Variants in ISCU observed in about 807,000 individuals in gnomAD.
ISCU encodes the protein iron-sulfur cluster assembly enzyme ISCU.
A neutral mutation model predicts 18.4 loss-of-function variants in ISCU; 13 were observed. The observed-to-expected ratio is 0.71, with a 90% confidence interval of 0.46 to 1.12. The LOEUF (loss-of-function observed/expected upper bound fraction) is 1.12, where lower values mean the gene tolerates loss of function less well. ISCU is among the 50% of genes most tolerant of loss of function. The pLI is 0.00. For synonymous variants in ISCU, 104 were observed against 87.5 expected (o/e 1.19, Z -1.06); for missense variants, 229 against 208.7 (o/e 1.10, Z -0.60).
At position 108,567,805 on chromosome 12, in the gene ISCU, C is replaced by T. The variant is rs932408722; in HGVS notation, c.418+537C>T. The T allele has an allele frequency of 2.0e-6, 3 of 1,526,934 alleles. No homozygotes were observed. The African/African-American group carries it at 4.1e-5, about 21-fold the overall frequency. The allele number at this position is 1,526,934 out of a possible 1,614,324, so 94.6% of individuals were successfully genotyped here. A position where few individuals can be genotyped will look rare whatever the true frequency, so the allele number is the denominator to read the frequency against. ...CAACTAAGCCCAGTTGTACAATGTCCCCCTCCCTGCTATCCTAAAAAAAAG... is the reference window on the plus strand; with the variant it reads ...CAACTAAGCCCAGTTGTACAATGTCTCCCTCCCTGCTATCCTAAAAAAAAG... On this transcript the variant is annotated intron_variant, in intron 4 of 4. Transcript: ENST00000311893.
intron 4 of ISCU, chr12:108,567,673 CAGCAGAGG>C (rs2030963795): frequency 1.3e-6 from 2 of 1,536,002 alleles, no homozygotes; most frequent in Admixed American, 2.0e-5. Flanking sequence ...GTGCTGTTTC[CAGCAGAGG>C]AGAAAACTCA....
chr12:108,567,528 C>A, intron 4 of ISCU: 1 of 800,164 alleles, frequency 1.2e-6, no homozygotes, highest in African/African-American at 1.7e-5. Context: ...TCACAAATAT[C>A]CTTGAGTGCA....
At chr12:108,562,240 G>T (rs529137577), upstream of ISCU, among the ~76,000 whole-genome samples, 1 of 152,314 alleles carries the variant, frequency 6.6e-6, no homozygotes, top group South Asian at 2.1e-4. Flanking sequence ...TTACTAAACT[G>T]CCCTGAATCT....
At chr12:108,567,299 G>A (rs977954757) in intron 4 of ISCU, 31 bp downstream of exon 4, 2 of 1,558,768 alleles carry the variant, frequency 1.3e-6, no homozygotes, top group African/African-American at 2.7e-5. Context: ...CCAGTCAGCT[G>A]GGACATTTGG....
chr12:108,565,039 T>G, intron 2 of ISCU: 2 of 481,680 alleles, frequency 4.2e-6, no homozygotes, highest in East Asian at 7.4e-5. Flanking sequence ...AAATAGAAGT[T>G]CATAGCCAAA....
Position 108,569,058 on chromosome 12 carries a change from C to A in ISCU, c.*142C>A. On this transcript the variant is annotated 3_prime_UTR_variant, in exon 5 of 5. Coordinates refer to ENST00000311893, the MANE Select transcript of ISCU (RefSeq NM_213595.4). Reference sequence around the variant, plus strand: ...AATACTTGCTGTTCACGTTATGACTCTCATGCAAGCAAAATACACAGTTTC... The same window carrying A: ...AATACTTGCTGTTCACGTTATGACTATCATGCAAGCAAAATACACAGTTTC... 2 of 716,866 alleles carry A rather than the reference C, an allele frequency of 2.8e-6. No homozygotes were observed. The highest frequency in any genetic ancestry group is 2.3e-5 in the Admixed American group (1 of 43,700). The allele number at this position is 716,866 out of a possible 1,614,324, so 44.4% of individuals were successfully genotyped here.
chr12:108,562,671 C>T lies in ISCU; in HGVS notation c.49C>T (p.Leu17=), dbSNP rs746092474. 1.4e-6 allele frequency: 2 copies of T among 1,454,684 alleles called. No homozygotes were observed. The highest frequency in any genetic ancestry group is 5.0e-5 in the Admixed American group (2 of 40,130). The allele number at this position is 1,454,684 out of a possible 1,614,324, so 90.1% of individuals were successfully genotyped here. A position where few individuals can be genotyped will look rare whatever the true frequency, so the allele number is the denominator to read the frequency against. Residue 17 remains leucine, a synonymous_variant, in exon 1 of 5, where the codon CTG becomes TTG. Coordinates refer to ENST00000311893, the MANE Select transcript of ISCU (RefSeq NM_213595.4). ...TCTGAGGCGGGCGGCATCGGCTCTG[C>T]TGCTGCGGAGCCCCCGCCTGCCCGC... ...FRLRRAASAL[L]LRSPRLPARE... is the part of the protein sequence containing the mutation.
chr12:108,563,818 C>T (rs2030751778), intron 1 of ISCU: 3 of 507,612 alleles, frequency 5.9e-6, no homozygotes, highest in Non-Finnish European at 1.1e-5. Context: ...CGTACACATT[C>T]CATAGCATTG....
chr12:108,567,851 T>C (rs1474422579), intron 4 of ISCU: 4 of 1,478,354 alleles, frequency 2.7e-6, no homozygotes, highest in Non-Finnish European at 3.6e-6. Context: ...TTAAGACTTG[T>C]ACTTGGCTTT....
intron 4 of ISCU, 152 bp downstream of exon 4, chr12:108,567,420 G>GC: frequency 1.3e-6 from 1 of 761,412 alleles, no homozygotes; most frequent in East Asian, 2.6e-5. Context: ...GAGGGTTAGA[G>GC]CCCCCATGGT....
intron 3 of ISCU, among the ~76,000 whole-genome samples, chr12:108,566,131 A>G (rs1295864185): frequency 6.6e-6 from 1 of 152,246 alleles, no homozygotes; most frequent in Non-Finnish European, 1.5e-5. Context: ...CCAAGGGACC[A>G]GGTTCAGGGA....
At chr12:108,562,552 T>C, upstream of ISCU, 1 of 882,474 alleles carries the variant, frequency 1.1e-6, no homozygotes, top group Non-Finnish European at 1.6e-6. Flanking sequence ...CGCTCCCAGC[T>C]CGGAGCCGAC....
At position 108,564,407 on chromosome 12, in the gene ISCU, T is replaced by G. The variant is rs2136713651; in HGVS notation, c.228+15T>G. The G allele has an allele frequency of 6.6e-7, 1 of 1,519,486 alleles. No individual in the cohort carries two copies. Among genetic ancestry groups the G allele is most frequent in the Non-Finnish European group, 9.1e-7 (1 of 1,093,622 alleles). The allele number at this position is 1,519,486 out of a possible 1,614,324, so 94.1% of individuals were successfully genotyped here. ...TGAAATTACAGGTATGGCTAGTCTT[T>G]TTTAATAGTGATAACAATAATCCCT... On this transcript the variant is annotated intron_variant, in intron 2 of 4. Coordinates refer to ENST00000311893, the MANE Select transcript of ISCU (RefSeq NM_213595.4).
At chr12:108,565,896 A>G (rs1272816518) in intron 3 of ISCU, among the ~76,000 whole-genome samples, 2 of 152,246 alleles carry the variant, frequency 1.3e-5, no homozygotes, top group Non-Finnish European at 2.9e-5. Context: ...AAAGTGAACA[A>G]CGAAATCAGA....
chr12:108,565,846 AGAGG>A (rs1258781909), intron 3 of ISCU, among the ~76,000 whole-genome samples: 1 of 152,220 alleles, frequency 6.6e-6, no homozygotes, highest in Non-Finnish European at 1.5e-5. Flanking sequence ...CTGTGTTAAA[AGAGG>A]GATTAAATAA....
chr12:108,566,489 A>G (rs2030902987), intron 3 of ISCU, among the ~76,000 whole-genome samples: 1 of 152,250 alleles, frequency 6.6e-6, no homozygotes, highest in African/African-American at 2.4e-5. Context: ...AAGAAGGGTT[A>G]GCAGAATTGG....
chr12:108,564,252 T>C, intron 1 of ISCU, 27 bp from the exon 2 acceptor site: 5 of 1,587,238 alleles, frequency 3.2e-6, no homozygotes, highest in Non-Finnish European at 4.3e-6. Flanking sequence ...AGAGTGAACA[T>C]GATTTATCTT....
intron 4 of ISCU, chr12:108,567,727 C>G: frequency 6.5e-7 from 1 of 1,535,910 alleles, no homozygotes; most frequent in Non-Finnish European, 8.7e-7. Flanking sequence ...TGTATTTCTT[C>G]ACTTCCTGTC....
At chr12:108,566,222 C>T (rs1223653414) in intron 3 of ISCU, among the ~76,000 whole-genome samples, 1 of 152,280 alleles carries the variant, frequency 6.6e-6, no homozygotes, top group East Asian at 1.9e-4. Context: ...CACCTGCTTC[C>T]TGTGGCTCAC....
Sources: gnomAD v4.1 joint callset for allele counts (sites outside exome capture counted in the v4.1 genomes callset) on GRCh38, gnomAD v4.1.1 for gene constraint, MANE v1.5 for transcripts, NCBI Gene and HGNC (gene_info 2026-07-23, HGNC 2026-07-21) for gene names.